CD3G: variants seen among roughly 807,000 people sequenced by gnomAD.
CD3G encodes the protein T-cell surface glycoprotein CD3 gamma chain.
Under a neutral mutation model 28.3 loss-of-function variants are expected in CD3G, and 24 were observed. The ratio of observed to expected loss-of-function variants is 0.85; its 90% CI spans 0.61 to 1.19. The LOEUF (loss-of-function observed/expected upper bound fraction) is 1.19. Among genes scored for constraint, CD3G ranks in the 50% most tolerant of loss-of-function variants. The pLI, the probability that CD3G is intolerant of heterozygous loss-of-function variation, is 0.00. For missense variants in CD3G, 211 were observed against 210.0 expected (o/e 1.00, Z -0.03); for synonymous variants, 71 against 75.9 (o/e 0.93, Z 0.34).
chr11:118,349,685 A>G (rs984019534), intron 2 of CD3G, 58 bp from the exon 3 acceptor site: 2 of 1,268,370 alleles, frequency 1.6e-6, no homozygotes, highest in Non-Finnish European at 2.3e-6. Flanking sequence ...GGTATGCAGA[A>G]GCAGGGAGAA....
chr11:118,354,238 TG>T lies in CD3G; in HGVS notation c.*1139del, dbSNP rs1948432126. On this transcript the variant is annotated 3_prime_UTR_variant, in exon 7 of 7. Coordinates refer to ENST00000532917, the MANE Select transcript of CD3G (RefSeq NM_000073.3). Reference sequence around the variant, plus strand: ...GAAATTTTTAGTAAATTTAACTAATTGTACAGCCATTACCATAATCCAGCTT... The same window carrying T: ...GAAATTTTTAGTAAATTTAACTAATTTACAGCCATTACCATAATCCAGCTT... 1 of 152,204 alleles carries T rather than the reference TG, an allele frequency of 6.6e-6. No homozygotes were observed. The highest frequency in any genetic ancestry group is 2.4e-5 in the African/African-American group (1 of 41,462). The allele number at this position is 152,204 out of a possible 1,614,324, so 9.4% of individuals were successfully genotyped here.
Position 118,349,923 on chromosome 11 carries a change from G to T in CD3G, c.260G>T (p.Cys87Phe). 6.2e-7 allele frequency: 1 copy of T among 1,614,132 alleles called. No individual in the cohort carries two copies. The highest frequency in any genetic ancestry group is 8.5e-7 in the Non-Finnish European group (1 of 1,180,010). The change falls in exon 3 of 7, where the codon TGT becomes TTT. Residue 87 changes from cysteine to phenylalanine, a missense_variant. Cys to Phe is a radical substitution (Grantham distance 205, BLOSUM62 -2). Coordinates refer to ENST00000532917, the MANE Select transcript of CD3G (RefSeq NM_000073.3). ...AAGGACCCTCGAGGGATGTATCAGT[G>T]TAAAGGATCACAGAACAAGTCAAAA... ...NAKDPRGMYQ[C>F]KGSQNKSKPL...
Position 118,349,874 on chromosome 11 carries a change from A to AG in CD3G, c.211_212insG (p.Lys71ArgfsTer7). 6.2e-7 allele frequency: 1 copy of AG among 1,614,208 alleles called. No homozygotes were observed. Among genetic ancestry groups the AG allele is most frequent in the East Asian group, 2.2e-5 (1 of 44,888 alleles). On this transcript the variant is annotated frameshift_variant, in exon 3 of 7. Coordinates refer to ENST00000532917, the MANE Select transcript of CD3G (RefSeq NM_000073.3). LOFTEE classifies it high-confidence loss of function. ...CGGCTTCCTAACTGAAGATAAAAAA[A>AG]AATGGAATCTGGGAAGTAATGCCAA...
At chr11:118,350,732 C>T in intron 4 of CD3G, 49 bp downstream of exon 4, 1 of 1,612,698 alleles carries the variant, frequency 6.2e-7, no homozygotes, top group Non-Finnish European at 8.5e-7. Context: ...AGACCCTCAG[C>T]TTTCCTCCTA....
rs1043726689 is a variant in CD3G at position 118,351,727 on chromosome 11, G to A, written c.483+56G>A. 5 of 1,503,780 alleles carry A rather than the reference G, an allele frequency of 3.3e-6. No homozygotes were observed. In the Admixed American group the frequency reaches 8.4e-5, roughly 25 times the overall value. 93.2% of individuals were successfully genotyped at this position (1,503,780 alleles called of 1,614,324 possible). A position where few individuals can be genotyped will look rare whatever the true frequency, so the allele number is the denominator to read the frequency against. On this transcript the variant is annotated intron_variant, in intron 5 of 6. Transcript: ENST00000532917. ...CTGTAATTAGTGGGGGTAAATCTTT[G>A]GGATTGAGGGGCATGTTATTTGGAA... is the stretch of plus-strand genomic sequence containing the variant.
chr11:118,351,731 T>C, intron 5 of CD3G, 60 bp downstream of exon 5: 1 of 1,491,530 alleles, frequency 6.7e-7, no homozygotes. Context: ...ATCTTTGGGA[T>C]TGAGGGGCAT....
At chr11:118,351,049 G>T in intron 4 of CD3G, 1 of 304,088 alleles carries the variant, frequency 3.3e-6, no homozygotes, top group South Asian at 4.0e-5. Flanking sequence ...TTAGCCGGGC[G>T]TGGTGGCGGG....
intron 2 of CD3G, 150 bp from the exon 3 acceptor site, chr11:118,349,593 A>C (rs970480837): frequency 1.2e-5 from 9 of 734,996 alleles, no homozygotes; most frequent in Non-Finnish European, 2.2e-5. Flanking sequence ...GAACTACTAA[A>C]TAGCACCTGA....
chr11:118,352,236 GA>G (rs1249972019), intron 5 of CD3G, among the ~76,000 whole-genome samples, 167 bp from the exon 6 acceptor site: 1 of 151,310 alleles, frequency 6.6e-6, no homozygotes, highest in Non-Finnish European at 1.5e-5. Context: ...AAGAGAGAGA[GA>G]GAAAAAGAAA....
At chr11:118,350,735 T>C (rs755424083) in intron 4 of CD3G, 52 bp downstream of exon 4, 1 of 1,612,542 alleles carries the variant, frequency 6.2e-7, no homozygotes, top group Admixed American at 1.7e-5. Context: ...CCCTCAGCTT[T>C]CCTCCTACCA....
chr11:118,350,749 T>C lies in CD3G; in HGVS notation c.439+66T>C, dbSNP rs1038600365. 2.5e-6 allele frequency: 4 copies of C among 1,611,776 alleles called. No individual in the cohort carries two copies. In the East Asian group the frequency reaches 8.9e-5, roughly 36 times the overall value. On this transcript the variant is annotated intron_variant, in intron 4 of 6. Coordinates refer to ENST00000532917, the MANE Select transcript of CD3G (RefSeq NM_000073.3). The stretch of plus-strand genomic sequence containing the variant: ...ACCCTCAGCTTTCCTCCTACCATTA[T>C]GTACCCAATGGAAGAGACTGAGTTG...
intron 2 of CD3G, 75 bp downstream of exon 2, chr11:118,349,125 T>C (rs576995398): frequency 6.2e-7 from 1 of 1,613,652 alleles, no homozygotes; most frequent in South Asian, 1.1e-5. Context: ...ACAGTAGTCC[T>C]ACAGGAGCGA....
At position 118,353,407 on chromosome 11, in the gene CD3G, C is replaced by A. The variant is rs200103637; in HGVS notation, c.*307C>A. 6.6e-6 allele frequency: 1 copy of A among 151,452 alleles called. No individual in the cohort carries two copies. The highest frequency in any genetic ancestry group is 2.4e-5 in the African/African-American group (1 of 41,272). 9.4% of individuals were successfully genotyped at this position (151,452 alleles called of 1,614,324 possible). On this transcript the variant is annotated 3_prime_UTR_variant, in exon 7 of 7. Coordinates refer to ENST00000532917, the MANE Select transcript of CD3G (RefSeq NM_000073.3). ...ATTTTTTGTGTTGTAATTTTTATTT[C>A]GTTTTTGTATAGGTTATAATTCACA...
At chr11:118,346,435 T>A (rs1948357002) in intron 1 of CD3G, among the ~76,000 whole-genome samples, 1 of 150,026 alleles carries the variant, frequency 6.7e-6, no homozygotes, top group Non-Finnish European at 1.5e-5. Flanking sequence ...AGACTCCGTC[T>A]CAAAAAACAA....
At chr11:118,348,435 G>C (rs1948375784) in intron 1 of CD3G, among the ~76,000 whole-genome samples, 1 of 152,164 alleles carries the variant, frequency 6.6e-6, no homozygotes, top group East Asian at 1.9e-4. Context: ...AGGTCTAGGA[G>C]GGTCCCGAAC....
chr11:118,350,906 A>AC, intron 4 of CD3G: 1 of 1,292,782 alleles, frequency 7.7e-7, no homozygotes, highest in Non-Finnish European at 9.9e-7. Context: ...AAAAAAAACA[A>AC]AAACAGGCGC....
intron 1 of CD3G, among the ~76,000 whole-genome samples, chr11:118,344,933 A>G (rs147028296): frequency 3.3e-5 from 5 of 152,384 alleles, no homozygotes; most frequent in Non-Finnish European, 5.9e-5. Context: ...ATAAAAATGA[A>G]TAAAACACTT....
At chr11:118,344,581 C>T (rs1948338159) in intron 1 of CD3G, 103 bp downstream of exon 1, 12 of 985,470 alleles carry the variant, frequency 1.2e-5, no homozygotes, top group Non-Finnish European at 1.6e-5. Context: ...CAGCCTACCT[C>T]TGCTGTCACC....
chr11:118,351,165 C>A (rs537966452), intron 4 of CD3G, among the ~76,000 whole-genome samples: 2 of 128,372 alleles, frequency 1.6e-5, no homozygotes, highest in South Asian at 4.9e-4. Flanking sequence ...CCAGCCTGGG[C>A]GACAGAGCAA....
Sources: allele counts gnomAD v4.1 joint callset (sites outside exome capture counted in the v4.1 genomes callset), GRCh38; gene constraint gnomAD v4.1.1; transcripts MANE v1.5; gene names NCBI Gene and HGNC (gene_info 2026-07-23, HGNC 2026-07-21).